Variants in WNT7B observed in about 807,000 individuals in gnomAD.
The protein encoded by WNT7B is protein Wnt-7b.
A neutral mutation model predicts 38.2 loss-of-function variants in WNT7B; 19 were observed. The observed-to-expected ratio is 0.50, with a 90% CI of 0.35 to 0.73. The LOEUF (loss-of-function observed/expected upper bound fraction) is 0.73, where lower values mean the gene tolerates loss of function less well. WNT7B is among the 30% of genes least tolerant of loss of function. The probability of loss-of-function intolerance (pLI) is 0.01; values close to 1 mark genes in which losing one functional copy is unlikely to be tolerated. For missense variants in WNT7B, 423 were observed against 507.9 expected, an observed-to-expected ratio of 0.83 and a Z score of 1.61; for synonymous variants, 243 against 209.3, an observed-to-expected ratio of 1.16 and a Z score of -1.39.
At chr22:45,930,163 C>T (rs1186849027) in intron 3 of WNT7B, among the ~76,000 whole-genome samples, 2 of 152,268 alleles carry the variant, frequency 1.3e-5, no homozygotes, top group African/African-American at 4.8e-5. Flanking sequence ...GGTGTGACCC[C>T]TGCACCCCTC....
rs1275161212 is a variant in WNT7B at position 45,925,277 on chromosome 22, G to A, written c.571-1942C>T. ...TAGGCTGGCAGGTGGGTGCCGGGTG[G>A]GCCCTAGGCTGGCAGCCTGGAGCTG... On this transcript the variant is annotated intron_variant, in intron 3 of 3. Transcript: ENST00000339464. The A allele has an allele frequency of 1.5e-5, 15 of 985,414 alleles. No homozygotes were observed. The South Asian group carries it at 7.0e-4, about 46-fold the overall frequency. 61.0% of individuals were successfully genotyped at this position (985,414 alleles called of 1,614,324 possible).
At chr22:45,974,227 G>A (rs888018468) in intron 1 of WNT7B, among the ~76,000 whole-genome samples, 2 of 152,198 alleles carry the variant, frequency 1.3e-5, no homozygotes, top group Non-Finnish European at 2.9e-5. Flanking sequence ...GATGAAGAAA[G>A]GGAGGCTGAG....
Position 45,920,739 on chromosome 22 carries a change from ATGGGAT to A in WNT7B, c.*2111_*2116del. 1 of 58,434 alleles carries A rather than the reference ATGGGAT, an allele frequency of 1.7e-5. No individual in the cohort carries two copies. The highest frequency in any genetic ancestry group is 7.0e-5 in the African/African-American group (1 of 14,270). The allele number at this position is 58,434 out of a possible 1,614,324, so 3.6% of individuals were successfully genotyped here. Reference sequence around the variant, plus strand: ...GATGGGATGAGGGATGAGATGAGGGATGGGATGGGATGGGGGATGAGGGATGGGGGC... The same window carrying A: ...GATGGGATGAGGGATGAGATGAGGGAGGGATGGGGGATGAGGGATGGGGGC... On this transcript the variant is annotated 3_prime_UTR_variant, in exon 4 of 4. Transcript: ENST00000339464.
intron 3 of WNT7B, chr22:45,926,863 A>G: frequency 1.0e-6 from 1 of 985,406 alleles, no homozygotes. Flanking sequence ...CCCTCCCAGG[A>G]TCCGGCGCTC....
chr22:45,956,042 G>C (rs766070481), intron 1 of WNT7B, among the ~76,000 whole-genome samples: 43 of 152,162 alleles, frequency 2.8e-4, no homozygotes, highest in Non-Finnish European at 1.8e-4. Context: ...AGGGGCAGGT[G>C]AGGACACTCC....
chr22:45,959,715 TCTGGA>T (rs905045437), intron 1 of WNT7B, among the ~76,000 whole-genome samples: 3 of 151,980 alleles, frequency 2.0e-5, no homozygotes, highest in Admixed American at 6.5e-5. Context: ...CCCGCCTCGC[TCTGGA>T]CTGGACACCG....
At chr22:45,930,832 G>A (rs746813453) in intron 3 of WNT7B, among the ~76,000 whole-genome samples, 5 of 152,212 alleles carry the variant, frequency 3.3e-5, no homozygotes, top group Non-Finnish European at 5.9e-5. Flanking sequence ...ACCCTGCATG[G>A]AAATGGAGTC....
At position 45,975,927 on chromosome 22, in the gene WNT7B, G is replaced by C. The variant is rs1248524538; in HGVS notation, c.71+757C>G. On this transcript the variant is annotated intron_variant, in intron 1 of 3. Coordinates refer to ENST00000339464, the MANE Select transcript of WNT7B (RefSeq NM_058238.3). The surrounding 1 kb of genome is among the most constrained non-coding windows in gnomAD (Gnocchi z 6.6). ...ATCGCGGCTCAACAGGTAAGGACTCGGCTGGGTTCAGGAATGTGGAAATAC... is the reference window on the plus strand; with the variant it reads ...ATCGCGGCTCAACAGGTAAGGACTCCGCTGGGTTCAGGAATGTGGAAATAC... The C allele has an allele frequency of 6.0e-6, 1 of 167,564 alleles. No homozygotes were observed. The highest frequency in any genetic ancestry group is 1.3e-5 in the Non-Finnish European group (1 of 78,956). 10.4% of individuals were successfully genotyped at this position (167,564 alleles called of 1,614,324 possible).
In WNT7B at chr22:45,976,695, G is replaced by A. The variant is rs1192822068; in HGVS notation, c.60C>T (p.Tyr20=). The part of the protein sequence containing the change: ...FYVFLCFGVL[Y]VKLGALSSVV... ...CACGGGGTACTCACCCGAGCTTCAC[G>A]TACAGGACGCCAAAGCAGAGAAACA... Residue 20 remains tyrosine, a synonymous_variant, in exon 1 of 4, where the codon TAC becomes TAT. Coordinates refer to ENST00000339464, the MANE Select transcript of WNT7B (RefSeq NM_058238.3). This position sits in a 1 kb window ranked among gnomAD's most constrained non-coding sequence, Gnocchi z 8.5. The A allele has an allele frequency of 2.5e-6, 4 of 1,609,392 alleles. No individual in the cohort carries two copies. In the South Asian group the frequency reaches 4.4e-5, roughly 18 times the overall value.
At chr22:45,927,561 T>G in intron 3 of WNT7B, 1 of 1,355,214 alleles carries the variant, frequency 7.4e-7, no homozygotes, top group African/African-American at 1.5e-5. Context: ...CACCCTGGGT[T>G]GTCCAAGTAG....
intron 2 of WNT7B, among the ~76,000 whole-genome samples, chr22:45,937,397 T>C (rs1206632318): frequency 6.6e-6 from 1 of 152,208 alleles, no homozygotes; most frequent in African/African-American, 2.4e-5. Context: ...CCTTTCTGTG[T>C]CCCTGTCTCC....
intron 1 of WNT7B, among the ~76,000 whole-genome samples, chr22:45,954,294 G>C (rs1356376924): frequency 2.0e-5 from 3 of 152,172 alleles, no homozygotes; most frequent in African/African-American, 7.2e-5. Context: ...AATGGGTATG[G>C]AATTTCCATC....
At chr22:45,968,411 C>T (rs566879688) in intron 1 of WNT7B, among the ~76,000 whole-genome samples, 11 of 152,310 alleles carry the variant, frequency 7.2e-5, no homozygotes, top group Admixed American at 5.2e-4. Flanking sequence ...TTTGTGCTCC[C>T]GTGATCTGCA....
chr22:45,958,203 C>A (rs1056612136), intron 1 of WNT7B, among the ~76,000 whole-genome samples: 23 of 152,158 alleles, frequency 1.5e-4, no homozygotes, highest in African/African-American at 5.6e-4. Context: ...TGGGACGTGG[C>A]CCCTCTGGCT....
chr22:45,968,612 T>C (rs528573692), intron 1 of WNT7B, among the ~76,000 whole-genome samples: 13 of 152,248 alleles, frequency 8.5e-5, no homozygotes, highest in Admixed American at 7.2e-4. Context: ...GGACCTCCTG[T>C]CCTCCCTCTG....
In WNT7B at chr22:45,922,965, T is replaced by A; in HGVS notation, c.941A>T (p.Asn314Ile). ...CDTMCCGRGYNTHQYTKVWQC... is the reference protein window; with the variant it reads ...CDTMCCGRGYITHQYTKVWQC... ...CCACACCTTGGTGTACTGGTGGGTG[T>A]TGTAGCCTCGGCCGCAGCACATGGT... is the stretch of plus-strand genomic sequence containing the variant. The change falls in exon 4 of 4, where the codon AAC becomes ATC. Residue 314 changes from asparagine to isoleucine, a missense_variant. Physicochemically the swap from Asn to Ile is moderately radical, Grantham distance 149. Around this residue, in one of 3 missense-constraint regions of WNT7B, gnomAD observed 158 missense variants for 214.7 expected, o/e 0.74. Transcript: ENST00000339464. The A allele has an allele frequency of 6.2e-7, 1 of 1,613,394 alleles. No individual in the cohort carries two copies. Among genetic ancestry groups the A allele is most frequent in the Non-Finnish European group, 8.5e-7 (1 of 1,179,868 alleles).
intron 1 of WNT7B, among the ~76,000 whole-genome samples, chr22:45,960,848 C>A (rs984717329): frequency 2.0e-5 from 3 of 152,238 alleles, no homozygotes; most frequent in Admixed American, 6.5e-5. Flanking sequence ...CGGAACTTTC[C>A]ATCCATATAG....
At chr22:45,924,354 C>A (rs1041627466) in intron 3 of WNT7B, among the ~76,000 whole-genome samples, 3 of 152,218 alleles carry the variant, frequency 2.0e-5, no homozygotes, top group Non-Finnish European at 4.4e-5. Context: ...GGAGAGAACC[C>A]CACAGAGATG....
intron 3 of WNT7B, chr22:45,926,649 G>A (rs1160531601): frequency 2.0e-6 from 2 of 985,234 alleles, no homozygotes; most frequent in South Asian, 4.7e-5. Context: ...GGAATGAGGT[G>A]CCTCACACCC....
Sources: gnomAD v4.1 joint callset for allele counts (sites outside exome capture counted in the v4.1 genomes callset) on GRCh38, gnomAD v4.1.1 for gene constraint, gnomAD v4.1.1 regional missense constraint, Gnocchi (gnomAD v3.1) non-coding constraint, MANE v1.5 for transcripts, NCBI Gene and HGNC (gene_info 2026-07-23, HGNC 2026-07-21) for gene names.